IGF1R: variants seen among roughly 807,000 people sequenced by gnomAD.
IGF1R encodes insulin like growth factor 1 receptor.
In IGF1R, 44 loss-of-function variants were observed where a neutral mutation model predicts 144.6. The ratio of observed to expected loss-of-function variants is 0.30; its 90% CI spans 0.24 to 0.39. IGF1R has a LOEUF of 0.39. Among genes scored for constraint, IGF1R ranks in the 10% least tolerant of loss-of-function variants. The pLI is 1.00. For synonymous variants in IGF1R, 795 were observed against 722.8 expected, an observed-to-expected ratio of 1.10 and a Z score of -1.60; for missense variants, 1,355 against 1,833.7, an observed-to-expected ratio of 0.74 and a Z score of 4.77.
intron 2 of IGF1R, among the ~76,000 whole-genome samples, chr15:98,847,899 C>T (rs2011394901): frequency 6.6e-6 from 1 of 152,152 alleles, no homozygotes; most frequent in Admixed American, 6.5e-5. Flanking sequence ...TTGACCAGGA[C>T]TCTGATAGGA....
intron 2 of IGF1R, among the ~76,000 whole-genome samples, chr15:98,788,735 G>A (rs547869150): frequency 1.3e-5 from 2 of 152,274 alleles, no homozygotes; most frequent in South Asian, 4.1e-4. Flanking sequence ...TGTTCTGGCC[G>A]GTGATTCAGC....
chr15:98,757,021 A>G (rs151092456), intron 2 of IGF1R, among the ~76,000 whole-genome samples: 1,758 of 152,360 alleles, frequency 0.012, 13 homozygotes, highest in Non-Finnish European at 0.018. Flanking sequence ...CTTTGTGGAC[A>G]TTAAAAAATT....
At chr15:98,730,778 C>T (rs2141296038) in intron 2 of IGF1R, among the ~76,000 whole-genome samples, 1 of 152,244 alleles carries the variant, frequency 6.6e-6, no homozygotes, top group Non-Finnish European at 1.5e-5. Context: ...AATTTCAAGT[C>T]AGTTATTAAA....
rs890960135 is a variant in IGF1R at position 98,771,165 on chromosome 15, A to G, written c.640+63058A>G. Among the ~76,000 whole-genome samples, 5 of 152,174 alleles carry G rather than the reference A, an allele frequency of 3.3e-5. No homozygotes were observed. In the East Asian group the frequency reaches 9.6e-4, roughly 29 times the overall value. On this transcript the variant is annotated intron_variant, in intron 2 of 20. Coordinates refer to ENST00000650285, the MANE Select transcript of IGF1R (RefSeq NM_000875.5). ...AGTTGTGGCACTGTTTGTGTATTCC[A>G]TTCATCATTCATCCCTCCATCCAAG...
At chr15:98,842,419 A>T (rs1443218772) in intron 2 of IGF1R, among the ~76,000 whole-genome samples, 1 of 152,210 alleles carries the variant, frequency 6.6e-6, no homozygotes, top group African/African-American at 2.4e-5. Flanking sequence ...ATGTTTATAA[A>T]AACAAAGTTT....
chr15:98,925,652 C>CT (rs1278993855), intron 13 of IGF1R, among the ~76,000 whole-genome samples: 1 of 152,208 alleles, frequency 6.6e-6, no homozygotes, highest in African/African-American at 2.4e-5. Context: ...CCTGTGATCC[C>CT]AACACTTTGG....
chr15:98,796,952 C>G (rs2141426858), intron 2 of IGF1R, among the ~76,000 whole-genome samples: 1 of 152,318 alleles, frequency 6.6e-6, no homozygotes, highest in Middle Eastern at 3.4e-3. Flanking sequence ...CTGTAAAAGC[C>G]ATGGTGCTTG....
At chr15:98,854,674 G>A (rs867478118) in intron 2 of IGF1R, among the ~76,000 whole-genome samples, 2 of 152,138 alleles carry the variant, frequency 1.3e-5, no homozygotes, top group Non-Finnish European at 1.5e-5. Flanking sequence ...GTTTCCCTGC[G>A]GGAGAATGCC....
intron 19 of IGF1R, 55 bp from the exon 20 acceptor site, chr15:98,948,519 A>G: frequency 6.3e-7 from 1 of 1,575,030 alleles, no homozygotes; most frequent in Non-Finnish European, 8.7e-7. Flanking sequence ...AGGAGGGGGC[A>G]GCATTGTTCA....
At chr15:98,825,641 A>G (rs1004872037) in intron 2 of IGF1R, among the ~76,000 whole-genome samples, 6 of 152,088 alleles carry the variant, frequency 3.9e-5, no homozygotes, top group African/African-American at 1.4e-4. Context: ...TCCCCCACCC[A>G]TCTGTGGAAA....
intron 2 of IGF1R, among the ~76,000 whole-genome samples, chr15:98,858,599 C>T (rs1023278893): frequency 4.6e-5 from 7 of 152,268 alleles, no homozygotes; most frequent in Middle Eastern, 6.8e-3. Context: ...GCCATTTAAT[C>T]GAGATATAAA....
intron 1 of IGF1R, among the ~76,000 whole-genome samples, chr15:98,655,299 C>T (rs2052458522): frequency 6.6e-6 from 1 of 152,130 alleles, no homozygotes; most frequent in South Asian, 2.1e-4. Flanking sequence ...ATTAACAATA[C>T]CTTTGATTTT....
intron 2 of IGF1R, among the ~76,000 whole-genome samples, chr15:98,751,403 T>G (rs1596266975): frequency 6.6e-6 from 1 of 152,128 alleles, no homozygotes; most frequent in African/African-American, 2.4e-5. Flanking sequence ...AAGTGATGCC[T>G]CGCCATGTTG....
intron 2 of IGF1R, among the ~76,000 whole-genome samples, chr15:98,861,271 C>T (rs540610791): frequency 1.2e-4 from 19 of 152,348 alleles, no homozygotes; most frequent in African/African-American, 4.6e-4. Context: ...GGCCTCCTTA[C>T]ACCTTCCTCT....
At chr15:98,696,282 A>G (rs868023475) in intron 1 of IGF1R, among the ~76,000 whole-genome samples, 7 of 152,304 alleles carry the variant, frequency 4.6e-5, no homozygotes, top group Middle Eastern at 3.4e-3. Flanking sequence ...TAAACATTTT[A>G]TCTGTGCCAT....
At position 98,752,930 on chromosome 15, in the gene IGF1R, CTATTT is replaced by C. The variant is rs869284497; in HGVS notation, c.640+44825_640+44829del. On this transcript the variant is annotated intron_variant, in intron 2 of 20. Transcript: ENST00000650285. ...ATATGTTTAGGGCTGGAAAATCATA[CTATTT>C]TTTTTTTTTTTTTTTTTTGAGATGG... 7.4e-3 allele frequency among the ~76,000 whole-genome samples: 964 copies of C among 130,418 alleles called. 21 individuals carry two copies. Among genetic ancestry groups the C allele is most frequent in the East Asian group, 0.047 (201 of 4,308 alleles). 85.6% of individuals were successfully genotyped at this position (130,418 alleles called of 152,430 possible).
At chr15:98,765,235 C>T (rs1341006663) in intron 2 of IGF1R, among the ~76,000 whole-genome samples, 2 of 151,354 alleles carry the variant, frequency 1.3e-5, no homozygotes, top group Non-Finnish European at 2.9e-5. Flanking sequence ...CTTCAGACAC[C>T]TCAATCTTTG....
At chr15:98,908,561 T>C (rs1390307854) in intron 5 of IGF1R, 124 bp from the exon 6 acceptor site, 2 of 730,428 alleles carry the variant, frequency 2.7e-6, no homozygotes, top group African/African-American at 1.7e-5. Context: ...TAACTAAATC[T>C]CTTATTGGCA....
chr15:98,955,880 T>C lies in IGF1R; in HGVS notation c.3723-1181T>C, dbSNP rs574091894. On this transcript the variant is annotated intron_variant, in intron 20 of 20. Transcript: ENST00000650285. ...GGAGAGTTCTGTGTGGCCACTTTTA[T>C]GGAAAAGCATCTCTTTAGCCAGAAT... Among the ~76,000 whole-genome samples, 4 of 152,350 alleles carry C rather than the reference T, an allele frequency of 2.6e-5. No homozygotes were observed. The East Asian group carries it at 5.8e-4, about 22-fold the overall frequency.
Sources: gnomAD v4.1 joint callset for allele counts (sites outside exome capture counted in the v4.1 genomes callset) on GRCh38, gnomAD v4.1.1 for gene constraint, MANE v1.5 for transcripts, NCBI Gene and HGNC (gene_info 2026-07-23, HGNC 2026-07-21) for gene names.